The following LRP5 variants were observed in gnomAD, a reference collection of about 807,000 sequenced individuals.
LRP5 encodes the protein LDL receptor related protein 5.
Under a neutral mutation model 154.1 loss-of-function variants are expected in LRP5, and 62 were observed. That is an observed-to-expected ratio of 0.40 (90% CI 0.33 to 0.50). The LOEUF is 0.50. LRP5 is among the 20% of genes least tolerant of loss of function. The pLI, the probability that LRP5 is intolerant of heterozygous loss-of-function variation, is 0.55. For synonymous variants in LRP5, 966 were observed against 1,011.5 expected (o/e 0.96, Z 0.85); for missense variants, 1,915 against 2,336.7 (o/e 0.82, Z 3.72).
At chr11:68,434,435 C>T (rs2098673779) in intron 18 of LRP5, among the ~76,000 whole-genome samples, 1 of 151,994 alleles carries the variant, frequency 6.6e-6, no homozygotes, top group Admixed American at 6.6e-5. Context: ...GCTGGAGTGC[C>T]CTGGTGTAAT....
intron 16 of LRP5, among the ~76,000 whole-genome samples, chr11:68,429,244 C>A (rs937817103): frequency 2.0e-5 from 3 of 151,944 alleles, no homozygotes; most frequent in African/African-American, 4.8e-5. Context: ...CAGAGTGTGA[C>A]CCTGTCTCAA....
At chr11:68,401,607 G>A (rs1030807736) in intron 7 of LRP5, among the ~76,000 whole-genome samples, 4 of 152,194 alleles carry the variant, frequency 2.6e-5, no homozygotes, top group Admixed American at 2.0e-4. Flanking sequence ...AGGACTTGCC[G>A]AGGACCCAGA....
chr11:68,345,898 T>G (rs2098612527), intron 1 of LRP5, among the ~76,000 whole-genome samples: 2 of 152,174 alleles, frequency 1.3e-5, no homozygotes, highest in East Asian at 3.9e-4. Context: ...TAGTTTTGAT[T>G]TGCATTTCCC....
chr11:68,399,491 T>C (rs2098651437), intron 7 of LRP5, among the ~76,000 whole-genome samples: 1 of 152,260 alleles, frequency 6.6e-6, no homozygotes, highest in Non-Finnish European at 1.5e-5. Context: ...AAATATTTTC[T>C]ATCCTTTACA....
intron 3 of LRP5, among the ~76,000 whole-genome samples, chr11:68,361,229 T>A (rs1414190396): frequency 7.0e-6 from 1 of 142,896 alleles, no homozygotes; most frequent in African/African-American, 2.6e-5. Context: ...GGCGTGAACC[T>A]GGGAGGTGGA....
chr11:68,423,664 A>G lies in LRP5; in HGVS notation c.3203A>G (p.Lys1068Arg). 6.2e-7 allele frequency: 1 copy of G among 1,613,716 alleles called. No individual in the cohort carries two copies. Among genetic ancestry groups the G allele is most frequent in the South Asian group, 1.1e-5 (1 of 91,082 alleles). The part of the protein sequence containing the change: ...MGVVLRGDRD[K>R]PRAIVVNAER... ...GTGGTGCTGCGTGGGGACCGCGACA[A>G]GCCCAGGGCCATCGTCGTCAACGCG... Residue 1068 changes from lysine to arginine, a missense_variant, in exon 14 of 23, where the codon AAG becomes AGG. By Grantham distance (26) the Lys-to-Arg change is conservative. Coordinates refer to ENST00000294304, the MANE Select transcript of LRP5 (RefSeq NM_002335.4). The surrounding 1 kb of genome is among the most constrained non-coding windows in gnomAD (Gnocchi z 4.7).
At chr11:68,337,059 T>C (rs945305158) in intron 1 of LRP5, among the ~76,000 whole-genome samples, 1 of 152,252 alleles carries the variant, frequency 6.6e-6, no homozygotes, top group African/African-American at 2.4e-5. Flanking sequence ...ACGCCAGCGT[T>C]GATCTTTGTG....
chr11:68,434,347 T>G (rs2098673672), intron 18 of LRP5, among the ~76,000 whole-genome samples: 1 of 125,786 alleles, frequency 8.0e-6, no homozygotes, highest in Admixed American at 9.3e-5. Context: ...CCTGTGAGTT[T>G]TCTTTCATTC....
At chr11:68,313,154 G>A (rs978190086) in intron 1 of LRP5, among the ~76,000 whole-genome samples, 4 of 150,260 alleles carry the variant, frequency 2.7e-5, no homozygotes, top group African/African-American at 9.7e-5. Flanking sequence ...GCCGGGCACC[G>A]AGCGGGGACT....
intron 18 of LRP5, among the ~76,000 whole-genome samples, chr11:68,434,274 C>T (rs1452109651): frequency 3.3e-5 from 5 of 152,184 alleles, no homozygotes; most frequent in Admixed American, 3.3e-4. Flanking sequence ...GCATCCTGGG[C>T]CCTCTCTGAC....
intron 1 of LRP5, among the ~76,000 whole-genome samples, chr11:68,316,703 C>A (rs1209652096): frequency 2.0e-5 from 3 of 152,248 alleles, no homozygotes; most frequent in Non-Finnish European, 2.9e-5. Flanking sequence ...AGGTCTCATG[C>A]CTCCTGCATC....
intron 17 of LRP5, among the ~76,000 whole-genome samples, chr11:68,432,473 C>G (rs2098672479): frequency 6.6e-6 from 1 of 152,340 alleles, no homozygotes; most frequent in East Asian, 1.9e-4. Flanking sequence ...CGTCTTTGAT[C>G]AGGCCCCCTC....
chr11:68,409,208 TAAATATA>T (rs2098657875), intron 9 of LRP5, among the ~76,000 whole-genome samples: 1 of 88,384 alleles, frequency 1.1e-5, no homozygotes, highest in East Asian at 3.0e-4. Flanking sequence ...TATTTATAAG[TAAATATA>T]TAATATATAA....
intron 1 of LRP5, among the ~76,000 whole-genome samples, chr11:68,313,708 T>C (rs2098590668): frequency 6.6e-6 from 1 of 152,270 alleles, no homozygotes; most frequent in Non-Finnish European, 1.5e-5. Context: ...TGTTTTGTTT[T>C]TCTGGAGTAT....
At chr11:68,368,450 T>C (rs1376487841) in intron 5 of LRP5, among the ~76,000 whole-genome samples, 1 of 152,246 alleles carries the variant, frequency 6.6e-6, no homozygotes, top group Non-Finnish European at 1.5e-5. Flanking sequence ...ATGCTGGTGT[T>C]GGGACCGACT....
rs764088039 is a variant in LRP5, at chr11:68,398,758, CAG to C, written c.1585-4724_1585-4723del. 3.3e-5 allele frequency among the ~76,000 whole-genome samples: 5 copies of C among 151,834 alleles called. No homozygotes were observed. The South Asian group carries it at 8.3e-4, about 25-fold the overall frequency. On this transcript the variant is annotated intron_variant, in intron 7 of 22. Transcript: ENST00000294304. ...AGTGTCCATAAATAATTTCTTGAGA[CAG>C]GGTCTCGCTCTGTCACCCAGGCTGG...
intron 8 of LRP5, among the ~76,000 whole-genome samples, chr11:68,404,927 G>A (rs1270114253): frequency 1.4e-5 from 2 of 146,080 alleles, no homozygotes; most frequent in South Asian, 2.1e-4. Context: ...CCGAGATTGC[G>A]CCACTGCAGT....
In LRP5 at chr11:68,426,021, T is replaced by C; in HGVS notation, c.3471T>C (p.Pro1157=). ...TGGAGGACGCCAACATCGTGCAGCCTCTGGGCCTGACCATCCTTGGCAAGC... is the reference window on the plus strand; with the variant it reads ...TGGAGGACGCCAACATCGTGCAGCCCCTGGGCCTGACCATCCTTGGCAAGC... ...LTLEDANIVQ[P]LGLTILGKHL... The change falls in exon 16 of 23, where the codon CCT becomes CCC. Residue 1157 remains proline (P), a synonymous_variant. Transcript: ENST00000294304. 2 of 1,613,262 alleles carry C rather than the reference T, an allele frequency of 1.2e-6. No homozygotes were observed. Among genetic ancestry groups the C allele is most frequent in the Non-Finnish European group, 1.7e-6 (2 of 1,180,024 alleles).
intron 9 of LRP5, 148 bp downstream of exon 9, chr11:68,406,961 T>TA: frequency 5.3e-5 from 37 of 696,456 alleles, no homozygotes; most frequent in Admixed American, 7.2e-5. Context: ...GCAAGCCTAT[T>TA]TAAAAAAAAA....
Sources: allele counts gnomAD v4.1 joint callset (sites outside exome capture counted in the v4.1 genomes callset), GRCh38; gene constraint gnomAD v4.1.1; non-coding constraint Gnocchi (gnomAD v3.1); transcripts MANE v1.5; gene names NCBI Gene and HGNC (gene_info 2026-07-23, HGNC 2026-07-21).